The following FHIT variants were observed in gnomAD, a reference collection of about 807,000 sequenced individuals.
The protein encoded by FHIT is fragile histidine triad diadenosine triphosphatase, also known as bis(5'-adenosyl)-triphosphatase.
In FHIT, 19 loss-of-function variants were observed where a neutral mutation model predicts 17.9. The observed-to-expected ratio is 1.06, with a 90% CI of 0.74 to 1.56. FHIT has a LOEUF of 1.56. Among genes scored for constraint, FHIT ranks in the 40% most tolerant of loss-of-function variants. FHIT has a pLI of 0.00. For missense variants in FHIT, 248 were observed against 189.2 expected (o/e 1.31, Z -1.82); for synonymous variants, 81 against 69.7 (o/e 1.16, Z -0.81).
intron 2 of FHIT, among the ~76,000 whole-genome samples, chr3:61,055,083 G>A (rs1368636644): frequency 6.9e-6 from 1 of 145,466 alleles, no homozygotes; most frequent in East Asian, 1.9e-4. Context: ...GTTGTTGTTA[G>A]TATCTTTTGT....
chr3:60,073,246 C>A (rs1702859376), intron 5 of FHIT, among the ~76,000 whole-genome samples: 1 of 152,078 alleles, frequency 6.6e-6, no homozygotes, highest in Non-Finnish European at 1.5e-5. Flanking sequence ...ATGGTTGACT[C>A]AAGATTCAAG....
intron 5 of FHIT, among the ~76,000 whole-genome samples, chr3:60,124,974 A>G (rs1705474345): frequency 6.6e-6 from 1 of 152,170 alleles, no homozygotes; most frequent in South Asian, 2.1e-4. Flanking sequence ...CAAATTCTCT[A>G]TTTTAGTAAG....
intron 5 of FHIT, among the ~76,000 whole-genome samples, chr3:60,250,912 C>G (rs1351332753): frequency 3.3e-5 from 5 of 152,164 alleles, no homozygotes; most frequent in African/African-American, 1.2e-4. Context: ...CCTCACCAAA[C>G]ACAGATAATC....
chr3:60,100,468 G>A (rs1331789910), intron 5 of FHIT, among the ~76,000 whole-genome samples: 4 of 152,084 alleles, frequency 2.6e-5, no homozygotes, highest in Non-Finnish European at 5.9e-5. Flanking sequence ...TTGACTCTTG[G>A]CCAAGTCCAG....
intron 3 of FHIT, among the ~76,000 whole-genome samples, chr3:60,831,944 T>C (rs1228947901): frequency 1.3e-5 from 2 of 152,180 alleles, no homozygotes; most frequent in Admixed American, 1.3e-4. Flanking sequence ...CTCAGGTTTT[T>C]GAAGTGACTT....
At chr3:61,232,750 C>G (rs1040972898) in intron 1 of FHIT, among the ~76,000 whole-genome samples, 2 of 152,124 alleles carry the variant, frequency 1.3e-5, no homozygotes, top group Admixed American at 1.3e-4. Context: ...GGCCTAGGTG[C>G]AGGGCCAGAA....
chr3:60,019,163 A>G (rs1207264834), intron 5 of FHIT, among the ~76,000 whole-genome samples: 3 of 152,152 alleles, frequency 2.0e-5, no homozygotes, highest in East Asian at 1.9e-4. Context: ...TTCCATCCCA[A>G]TAGATGCAGA....
chr3:61,084,838 C>A (rs1276559135), intron 2 of FHIT, among the ~76,000 whole-genome samples: 3 of 152,138 alleles, frequency 2.0e-5, no homozygotes, highest in Non-Finnish European at 4.4e-5. Flanking sequence ...CTCCCCACAC[C>A]AGGCAGCAAC....
chr3:60,487,614 G>T (rs1187973961), intron 5 of FHIT, among the ~76,000 whole-genome samples: 1 of 152,152 alleles, frequency 6.6e-6, no homozygotes, highest in Non-Finnish European at 1.5e-5. Context: ...TCTTGAACTT[G>T]CCTTTCAATT....
intron 2 of FHIT, among the ~76,000 whole-genome samples, chr3:61,140,936 C>T (rs898056077): frequency 1.3e-5 from 2 of 152,148 alleles, no homozygotes; most frequent in African/African-American, 4.8e-5. Flanking sequence ...GGTTCACAGT[C>T]CTCGCTGGGA....
chr3:60,921,578 C>A (rs1553768357), intron 3 of FHIT, among the ~76,000 whole-genome samples: 5 of 152,140 alleles, frequency 3.3e-5, no homozygotes, highest in Non-Finnish European at 7.3e-5. Context: ...AACATTATAA[C>A]TTTTAAAATG....
chr3:60,340,906 G>T (rs982822585), intron 5 of FHIT, among the ~76,000 whole-genome samples: 1 of 152,116 alleles, frequency 6.6e-6, no homozygotes, highest in South Asian at 2.1e-4. Flanking sequence ...AGGCCAGGCT[G>T]GTCTCTAACT....
chr3:61,024,515 CTTTTT>C (rs545130550), intron 3 of FHIT, among the ~76,000 whole-genome samples: 100 of 151,928 alleles, frequency 6.6e-4, no homozygotes, highest in African/African-American at 2.3e-3. Flanking sequence ...TTTTCTTTTT[CTTTTT>C]AAGAAAAAAA....
intron 5 of FHIT, among the ~76,000 whole-genome samples, chr3:60,444,134 C>T (rs547941086): frequency 1.5e-4 from 23 of 152,238 alleles, no homozygotes; most frequent in Admixed American, 1.4e-3. Context: ...CAAATCAAAA[C>T]CACAGTGAGA....
At chr3:61,157,697 T>C (rs931467137) in intron 2 of FHIT, among the ~76,000 whole-genome samples, 1 of 152,198 alleles carries the variant, frequency 6.6e-6, no homozygotes, top group African/African-American at 2.4e-5. Flanking sequence ...CTGAGTATTG[T>C]TTATGTTCTA....
chr3:60,148,295 T>C (rs546313408), intron 5 of FHIT, among the ~76,000 whole-genome samples: 10 of 152,290 alleles, frequency 6.6e-5, no homozygotes, highest in Non-Finnish European at 8.8e-5. Flanking sequence ...TATGTGGTAA[T>C]AGTCTTTCAA....
chr3:60,255,823 C>T (rs213402), intron 5 of FHIT, among the ~76,000 whole-genome samples: 32,816 of 151,706 alleles, frequency 0.22, 3,825 homozygotes, highest in Middle Eastern at 0.27. Context: ...CCACTGCACT[C>T]CAGCCTGGGC....
chr3:60,104,073 G>C (rs1019475195), intron 5 of FHIT, among the ~76,000 whole-genome samples: 1 of 152,164 alleles, frequency 6.6e-6, no homozygotes, highest in Non-Finnish European at 1.5e-5. Context: ...AGAAGAGTGA[G>C]GAAGGTAGAC....
intron 5 of FHIT, among the ~76,000 whole-genome samples, chr3:60,221,890 G>C (rs992155753): frequency 1.3e-5 from 2 of 151,590 alleles, no homozygotes; most frequent in African/African-American, 4.9e-5. Flanking sequence ...AGGCCTAGTA[G>C]AGTGAAATTA....
Sources: allele counts gnomAD v4.1 joint callset (sites outside exome capture counted in the v4.1 genomes callset), GRCh38; gene constraint gnomAD v4.1.1; transcripts MANE v1.5; gene names NCBI Gene and HGNC (gene_info 2026-07-23, HGNC 2026-07-21).